Variants in DLGAP2 observed in about 807,000 individuals in gnomAD.
DLGAP2 encodes the protein disks large-associated protein 2.
Under a neutral mutation model 100.3 loss-of-function variants are expected in DLGAP2, and 26 were observed. The ratio of observed to expected loss-of-function variants is 0.26; its 90% confidence interval spans 0.19 to 0.36. DLGAP2 has a LOEUF of 0.36. DLGAP2 is among the 10% of genes least tolerant of loss of function. The pLI is 1.00. For missense variants in DLGAP2, 1,858 were observed against 1,453.2 expected (o/e 1.28, Z -4.53); for synonymous variants, 886 against 630.1 (o/e 1.41, Z -6.08).
intron 2 of DLGAP2, among the ~76,000 whole-genome samples, chr8:1,197,516 G>C (rs1797777510): frequency 2.0e-5 from 3 of 152,198 alleles, no homozygotes; most frequent in African/African-American, 7.2e-5. Flanking sequence ...GGAGCAGCTG[G>C]GCCACCAGCT....
At chr8:824,331 G>T (rs144462199) in intron 1 of DLGAP2, among the ~76,000 whole-genome samples, 6 of 152,118 alleles carry the variant, frequency 3.9e-5, no homozygotes, top group African/African-American at 1.4e-4. Context: ...TTGTCTCGGC[G>T]TCCCACAGTG....
chr8:1,320,397 CCGG>C (rs1800867929), intron 3 of DLGAP2, among the ~76,000 whole-genome samples: 1 of 151,990 alleles, frequency 6.6e-6, no homozygotes, highest in African/African-American at 2.4e-5. Context: ...TGGAGCCGGA[CCGG>C]AGGAGGAGGA....
chr8:1,680,843 C>T (rs1403555749), intron 12 of DLGAP2: 1 of 152,204 alleles, frequency 6.6e-6, no homozygotes, highest in African/African-American at 2.4e-5. Flanking sequence ...AGATAAAACA[C>T]AGAAAAACTG....
chr8:1,425,856 G>T (rs2129955897), intron 3 of DLGAP2, among the ~76,000 whole-genome samples: 1 of 152,316 alleles, frequency 6.6e-6, no homozygotes, highest in Non-Finnish European at 1.5e-5. Flanking sequence ...TTCAGTGCCT[G>T]AGGCAGGGAA....
At chr8:851,083 CTGTT>C (rs777990727) in intron 1 of DLGAP2, among the ~76,000 whole-genome samples, 1 of 152,174 alleles carries the variant, frequency 6.6e-6, no homozygotes, top group Non-Finnish European at 1.5e-5. Flanking sequence ...TATGATTTTT[CTGTT>C]TGTTTGTGCC....
At position 1,624,047 on chromosome 8, in the gene DLGAP2, A is replaced by T. The variant is rs1201065681; in HGVS notation, c.1443-2693A>T. ...AGTGATGAGCCATGGCTCAGAGGTGATCCCTTCGTTCACGTAGCAGGCACT... is the reference window on the plus strand; with the variant it reads ...AGTGATGAGCCATGGCTCAGAGGTGTTCCCTTCGTTCACGTAGCAGGCACT... On this transcript the variant is annotated intron_variant, in intron 6 of 14. Coordinates refer to ENST00000637795, the MANE Select transcript of DLGAP2 (RefSeq NM_001346810.2). 5.9e-5 allele frequency among the ~76,000 whole-genome samples: 9 copies of T among 151,928 alleles called. No individual in the cohort carries two copies. In the East Asian group the frequency reaches 9.7e-4, roughly 16 times the overall value.
intron 3 of DLGAP2, among the ~76,000 whole-genome samples, chr8:1,383,900 C>G (rs995075309): frequency 6.6e-6 from 1 of 151,998 alleles, no homozygotes; most frequent in African/African-American, 2.4e-5. Context: ...GCGGTGGACT[C>G]TGACAGGAAG....
intron 2 of DLGAP2, among the ~76,000 whole-genome samples, chr8:1,030,550 A>C (rs1801944223): frequency 6.6e-6 from 1 of 152,176 alleles, no homozygotes; most frequent in African/African-American, 2.4e-5. Flanking sequence ...TAGTTTAAAA[A>C]CATTTAACAT....
At chr8:1,075,914 AC>A (rs1803592033) in intron 2 of DLGAP2, among the ~76,000 whole-genome samples, 4 of 148,526 alleles carry the variant, frequency 2.7e-5, no homozygotes, top group Admixed American at 6.7e-5. Flanking sequence ...AAAAATAAAA[AC>A]AAAAAAAAAG....
intron 2 of DLGAP2, among the ~76,000 whole-genome samples, chr8:979,008 C>A (rs1800252266): frequency 1.3e-5 from 2 of 152,138 alleles, no homozygotes; most frequent in South Asian, 4.1e-4. Context: ...GCTTGGGTCA[C>A]TCCCCAGCTT....
At chr8:1,058,825 G>A (rs1379902308) in intron 2 of DLGAP2, among the ~76,000 whole-genome samples, 1 of 152,232 alleles carries the variant, frequency 6.6e-6, no homozygotes, top group African/African-American at 2.4e-5. Context: ...GAAACACCTT[G>A]TGGTGTGACT....
intron 1 of DLGAP2, among the ~76,000 whole-genome samples, chr8:851,193 G>A (rs929490133): frequency 2.0e-5 from 3 of 152,248 alleles, no homozygotes; most frequent in African/African-American, 7.2e-5. Flanking sequence ...GTCACACACT[G>A]TGCAGGTGTG....
At chr8:885,861 C>T (rs1355127462) in intron 1 of DLGAP2, among the ~76,000 whole-genome samples, 1 of 152,146 alleles carries the variant, frequency 6.6e-6, no homozygotes, top group Admixed American at 6.5e-5. Context: ...CTGAAGTTTT[C>T]TTTTATTGTT....
intron 2 of DLGAP2, among the ~76,000 whole-genome samples, chr8:1,113,084 T>A (rs1805011064): frequency 6.6e-6 from 1 of 152,190 alleles, no homozygotes; most frequent in Non-Finnish European, 1.5e-5. Flanking sequence ...TGTACCACTG[T>A]CATGCTGTTT....
rs199881777 is a variant in DLGAP2 at position 1,378,417 on chromosome 8, G to A, written c.106+119534G>A. Among the ~76,000 whole-genome samples the A allele has an allele frequency of 4.9e-3, 742 of 150,428 alleles. 2 individuals are homozygous for A. Among genetic ancestry groups the A allele is most frequent in the African/African-American group, 0.015 (631 of 40,718 alleles). On this transcript the variant is annotated intron_variant, in intron 3 of 14. Coordinates refer to ENST00000637795, the MANE Select transcript of DLGAP2 (RefSeq NM_001346810.2). The stretch of plus-strand genomic sequence containing the variant: ...CACACACACCTGACTTCGCCTGTCC[G>A]TCCTGCACACACCTGACCTCACCTG...
intron 2 of DLGAP2, among the ~76,000 whole-genome samples, chr8:1,023,050 C>A (rs975411192): frequency 6.6e-6 from 1 of 152,218 alleles, no homozygotes; most frequent in Non-Finnish European, 1.5e-5. Flanking sequence ...CTGCAGACAT[C>A]CAGCCACATG....
At chr8:1,256,138 C>T (rs1225570540) in intron 2 of DLGAP2, among the ~76,000 whole-genome samples, 2 of 114,148 alleles carry the variant, frequency 1.8e-5, no homozygotes, top group African/African-American at 7.9e-5. Context: ...CTTTCTGTGT[C>T]CTCTCATGCC....
chr8:1,189,669 G>T (rs1797591708), intron 2 of DLGAP2, among the ~76,000 whole-genome samples: 1 of 152,234 alleles, frequency 6.6e-6, no homozygotes, highest in Admixed American at 6.5e-5. Flanking sequence ...ATGGATCAAT[G>T]ACAGGGCCGA....
intron 2 of DLGAP2, among the ~76,000 whole-genome samples, chr8:993,708 A>C (rs975257083): frequency 5.4e-5 from 8 of 148,122 alleles, no homozygotes; most frequent in African/African-American, 2.0e-4. Flanking sequence ...TCTCAGGGAT[A>C]TTTATATTTC....
Sources: allele counts gnomAD v4.1 joint callset (sites outside exome capture counted in the v4.1 genomes callset), GRCh38; gene constraint gnomAD v4.1.1; transcripts MANE v1.5; gene names NCBI Gene and HGNC (gene_info 2026-07-23, HGNC 2026-07-21).